Variants in RTN1 observed in about 807,000 individuals in gnomAD.
RTN1 encodes the protein reticulon-1.
A neutral mutation model predicts 65.5 loss-of-function variants in RTN1; 25 were observed. The observed-to-expected ratio is 0.38, with a 90% confidence interval of 0.28 to 0.53. The LOEUF is 0.53. RTN1 is among the 20% of genes least tolerant of loss of function. RTN1 has a pLI of 0.79. For synonymous variants in RTN1, 471 were observed against 447.6 expected, an observed-to-expected ratio of 1.05 and a Z score of -0.66; for missense variants, 983 against 1,025.4, an observed-to-expected ratio of 0.96 and a Z score of 0.57.
chr14:59,731,689 A>G (rs1053116017), intron 2 of RTN1, among the ~76,000 whole-genome samples: 4 of 152,148 alleles, frequency 2.6e-5, no homozygotes, highest in Non-Finnish European at 5.9e-5. Flanking sequence ...GCAACTTCCC[A>G]ATCGTTTTTG....
chr14:59,823,790 T>C (rs1041968458), intron 1 of RTN1, among the ~76,000 whole-genome samples: 4 of 152,210 alleles, frequency 2.6e-5, no homozygotes. Flanking sequence ...AGGGGTTCTC[T>C]GAATTTACAC....
rs1176157404 is a variant in RTN1, at chr14:59,596,568, T to G, written c.*177A>C. On this transcript the variant is annotated 3_prime_UTR_variant, in exon 9 of 9. Coordinates refer to ENST00000267484, the MANE Select transcript of RTN1 (RefSeq NM_021136.3). Reference sequence around the variant, plus strand: ...TACTTTAGTGGTTGACACAAGTGACTCAAATATCCTAAGAGTACAAGGAAC... The same window carrying G: ...TACTTTAGTGGTTGACACAAGTGACGCAAATATCCTAAGAGTACAAGGAAC... 1.6e-5 allele frequency: 9 copies of G among 557,358 alleles called. No homozygotes were observed. Among genetic ancestry groups the G allele is most frequent in the Non-Finnish European group, 2.9e-5 (9 of 306,736 alleles). The allele number at this position is 557,358 out of a possible 1,614,324, so 34.5% of individuals were successfully genotyped here. A position where few individuals can be genotyped will look rare whatever the true frequency, so the allele number is the denominator to read the frequency against.
chr14:59,869,203 C>T (rs12436320), intron 1 of RTN1, among the ~76,000 whole-genome samples: 32,510 of 151,890 alleles, frequency 0.21, 3,872 homozygotes, highest in East Asian at 0.49. Flanking sequence ...TTACCTTAGA[C>T]ATTCCACATA....
At chr14:59,607,548 C>CACA in intron 3 of RTN1, 56 bp from the exon 4 acceptor site, 1 of 1,429,732 alleles carries the variant, frequency 7.0e-7, no homozygotes, top group Non-Finnish European at 9.6e-7. Context: ...CCACATGAGC[C>CACA]GCTGTGGCTC....
chr14:59,599,359 G>C (rs1881507122), intron 8 of RTN1, among the ~76,000 whole-genome samples: 1 of 152,154 alleles, frequency 6.6e-6, no homozygotes, highest in Non-Finnish European at 1.5e-5. Flanking sequence ...GCCATCTTCT[G>C]AATTTGCTTT....
chr14:59,676,521 T>C (rs1018781480), intron 3 of RTN1, among the ~76,000 whole-genome samples: 1 of 152,166 alleles, frequency 6.6e-6, no homozygotes, highest in Non-Finnish European at 1.5e-5. Flanking sequence ...CAAGCTTAGA[T>C]GATACCTACC....
intron 2 of RTN1, among the ~76,000 whole-genome samples, chr14:59,737,949 G>T (rs1016158095): frequency 6.6e-6 from 1 of 152,160 alleles, no homozygotes; most frequent in African/African-American, 2.4e-5. Flanking sequence ...TGGGATAACT[G>T]GCTAGCAATA....
At chr14:59,729,535 C>T (rs532603666) in intron 2 of RTN1, among the ~76,000 whole-genome samples, 4 of 152,168 alleles carry the variant, frequency 2.6e-5, no homozygotes, top group Non-Finnish European at 5.9e-5. Context: ...TGATTTCAGA[C>T]AGCGGAAAAG....
chr14:59,739,190 G>A (rs892132863), intron 2 of RTN1, among the ~76,000 whole-genome samples: 1 of 152,092 alleles, frequency 6.6e-6, no homozygotes, highest in African/African-American at 2.4e-5. Flanking sequence ...TTATTAGGCA[G>A]GCATTAGTGG....
At chr14:59,669,167 G>A (rs1430587961) in intron 3 of RTN1, among the ~76,000 whole-genome samples, 1 of 152,100 alleles carries the variant, frequency 6.6e-6, no homozygotes, top group Non-Finnish European at 1.5e-5. Context: ...TATGTTTATT[G>A]CAGCAATATT....
intron 3 of RTN1, among the ~76,000 whole-genome samples, chr14:59,625,347 G>T (rs1252761090): frequency 6.6e-6 from 1 of 152,108 alleles, no homozygotes; most frequent in Non-Finnish European, 1.5e-5. Flanking sequence ...AAAAATGTTG[G>T]ACACTGCAGA....
At chr14:59,678,789 A>G (rs1451854461) in intron 3 of RTN1, among the ~76,000 whole-genome samples, 1 of 152,198 alleles carries the variant, frequency 6.6e-6, no homozygotes, top group Non-Finnish European at 1.5e-5. Context: ...AAGCGTGACC[A>G]CAGACCACCT....
chr14:59,764,386 C>G (rs1172693468), intron 1 of RTN1, among the ~76,000 whole-genome samples: 1 of 151,306 alleles, frequency 6.6e-6, no homozygotes, highest in Non-Finnish European at 1.5e-5. Flanking sequence ...AATGGCGCAA[C>G]CTCGGCTCAC....
rs1016363026 is a variant in RTN1, at chr14:59,712,782, A to G, written c.1765+14137T>C. Among the ~76,000 whole-genome samples, 9 of 152,134 alleles carry G rather than the reference A, an allele frequency of 5.9e-5. No individual in the cohort carries two copies. The East Asian group carries it at 7.8e-4, about 13-fold the overall frequency. On this transcript the variant is annotated intron_variant, in intron 3 of 8. Coordinates refer to ENST00000267484, the MANE Select transcript of RTN1 (RefSeq NM_021136.3). ...CAAAATTAGCTGGGTGTGGTGGGGC[A>G]TGCCTGTAATCCCAGCTACTTGGGA...
intron 1 of RTN1, among the ~76,000 whole-genome samples, chr14:59,847,153 T>C (rs1566746139): frequency 6.6e-6 from 1 of 152,242 alleles, no homozygotes. Flanking sequence ...ATGCTTGATG[T>C]AGATCATGTA....
chr14:59,818,714 C>A (rs1431219146), intron 1 of RTN1, among the ~76,000 whole-genome samples: 1 of 152,192 alleles, frequency 6.6e-6, no homozygotes, highest in Non-Finnish European at 1.5e-5. Context: ...AGGTAGCTCT[C>A]TTTTAACTTA....
At chr14:59,741,323 T>G (rs1284720703) in intron 2 of RTN1, among the ~76,000 whole-genome samples, 2 of 152,232 alleles carry the variant, frequency 1.3e-5, no homozygotes, top group African/African-American at 4.8e-5. Flanking sequence ...GCTCAAGCTG[T>G]TACCTCGAAG....
intron 1 of RTN1, among the ~76,000 whole-genome samples, chr14:59,792,165 T>G (rs962240243): frequency 1.3e-5 from 2 of 152,112 alleles, no homozygotes; most frequent in Non-Finnish European, 2.9e-5. Context: ...GGTTTTAAAT[T>G]TATTCTGTCT....
At chr14:59,795,903 G>T (rs1886430538) in intron 1 of RTN1, among the ~76,000 whole-genome samples, 1 of 152,000 alleles carries the variant, frequency 6.6e-6, no homozygotes, top group Admixed American at 6.6e-5. Flanking sequence ...GGCCAGAATT[G>T]GGCTTTATAT....
Sources: gnomAD v4.1 joint callset for allele counts (sites outside exome capture counted in the v4.1 genomes callset) on GRCh38, gnomAD v4.1.1 for gene constraint, MANE v1.5 for transcripts, NCBI Gene and HGNC (gene_info 2026-07-23, HGNC 2026-07-21) for gene names.